The following CCSER1 variants were observed in gnomAD, a reference collection of about 807,000 sequenced individuals.
CCSER1 encodes the protein coiled-coil serine rich protein 1, also known as serine-rich coiled-coil domain-containing protein 1.
CCSER1 carries 41 observed loss-of-function variants against 82.0 expected under a neutral mutation model. The ratio of observed to expected loss-of-function variants is 0.50; its 90% CI spans 0.39 to 0.65. The LOEUF is 0.65. Among genes scored for constraint, CCSER1 ranks in the 30% least tolerant of loss-of-function variants. CCSER1 has a pLI of 0.00. For synonymous variants in CCSER1, 414 were observed against 383.9 expected (o/e 1.08, Z -0.92); for missense variants, 1,119 against 1,064.2 (o/e 1.05, Z -0.72).
intron 5 of CCSER1, among the ~76,000 whole-genome samples, chr4:90,515,411 T>A (rs1772134181): frequency 6.6e-6 from 1 of 152,192 alleles, no homozygotes; most frequent in African/African-American, 2.4e-5. Context: ...ATTGGGCAAC[T>A]TTTGAAGCTT....
At position 90,666,167 on chromosome 4, in the gene CCSER1, C is replaced by CA. The variant is rs1266077268; in HGVS notation, c.1932+37943dup. On this transcript the variant is annotated intron_variant, in intron 6 of 10. Coordinates refer to ENST00000509176, the MANE Select transcript of CCSER1 (RefSeq NM_001145065.2). ...GACTCTCCTTTTCATACGTTAGATG[C>CA]AAAAAAAACTTTGCTCTTCAAAGTT... is the stretch of plus-strand genomic sequence containing the variant. Among the ~76,000 whole-genome samples the CA allele has an allele frequency of 5.3e-5, 8 of 151,676 alleles. No individual in the cohort carries two copies. In the East Asian group the frequency reaches 5.8e-4, roughly 11 times the overall value.
chr4:90,611,389 G>A (rs1785481889), intron 5 of CCSER1, among the ~76,000 whole-genome samples: 1 of 151,962 alleles, frequency 6.6e-6, no homozygotes, highest in Non-Finnish European at 1.5e-5. Context: ...TGAACCAGAG[G>A]TTGAAGGCAC....
At chr4:90,225,156 A>G (rs567222806) in intron 1 of CCSER1, among the ~76,000 whole-genome samples, 1 of 150,974 alleles carries the variant, frequency 6.6e-6, no homozygotes, top group South Asian at 2.1e-4. Context: ...CTCAGCCTCC[A>G]TGGGTTCAAG....
chr4:90,660,457 T>G (rs1422042294), intron 6 of CCSER1, among the ~76,000 whole-genome samples: 1 of 152,034 alleles, frequency 6.6e-6, no homozygotes, highest in Non-Finnish European at 1.5e-5. Flanking sequence ...CATCTTAAAA[T>G]TTTTGGGAAT....
At chr4:90,863,949 T>TTTTTATTATATTTTA (rs1765408870) in intron 8 of CCSER1, among the ~76,000 whole-genome samples, 1 of 117,640 alleles carries the variant, frequency 8.5e-6, no homozygotes, top group Non-Finnish European at 1.8e-5. Flanking sequence ...ACCTATCACG[T>TTTTTATTATATTTTA]TTTTATTTTA....
At chr4:91,317,393 T>TC (rs1299384182) in intron 10 of CCSER1, among the ~76,000 whole-genome samples, 4 of 151,852 alleles carry the variant, frequency 2.6e-5, no homozygotes, top group Non-Finnish European at 2.9e-5. Flanking sequence ...AAATGTCCCT[T>TC]CTCAGTGAGG....
intron 10 of CCSER1, among the ~76,000 whole-genome samples, chr4:91,173,619 A>T (rs989269569): frequency 7.0e-6 from 1 of 141,872 alleles, no homozygotes; most frequent in Non-Finnish European, 1.5e-5. Context: ...AAAAAAAAAA[A>T]GTGATAAGAG....
chr4:91,146,314 G>C (rs1729530418), intron 10 of CCSER1, among the ~76,000 whole-genome samples: 1 of 152,136 alleles, frequency 6.6e-6, no homozygotes, highest in Admixed American at 6.6e-5. Context: ...TGGCTTTCCA[G>C]TCTGGATTCA....
intron 10 of CCSER1, among the ~76,000 whole-genome samples, chr4:91,291,047 A>C (rs571625964): frequency 6.6e-6 from 1 of 151,548 alleles, no homozygotes; most frequent in South Asian, 2.1e-4. Context: ...AGCACCTCTT[A>C]TTAAAATCAA....
chr4:90,233,646 A>C lies in CCSER1; in HGVS notation c.-41-74598A>C, dbSNP rs575516915. On this transcript the variant is annotated intron_variant, in intron 1 of 10. Transcript: ENST00000509176. ...AATAATAATAAATTAAAAAAAAAAAACAAAACAAACTGGCCTTATGAACCT... is the reference window on the plus strand; with the variant it reads ...AATAATAATAAATTAAAAAAAAAAACCAAAACAAACTGGCCTTATGAACCT... Among the ~76,000 whole-genome samples the C allele has an allele frequency of 4.2e-5, 6 of 144,334 alleles. No homozygotes were observed. The South Asian group carries it at 1.4e-3, about 33-fold the overall frequency. 94.7% of individuals were successfully genotyped at this position (144,334 alleles called of 152,430 possible). A position where few individuals can be genotyped will look rare whatever the true frequency, so the allele number is the denominator to read the frequency against.
chr4:91,151,959 G>C (rs775517500), intron 10 of CCSER1, among the ~76,000 whole-genome samples: 1 of 152,172 alleles, frequency 6.6e-6, no homozygotes, highest in Non-Finnish European at 1.5e-5. Context: ...TGTTGATTTG[G>C]GATGGAGAGT....
At chr4:91,548,907 T>C (rs73838041) in intron 10 of CCSER1, among the ~76,000 whole-genome samples, 8,079 of 152,178 alleles carry the variant, frequency 0.053, 236 homozygotes, top group Middle Eastern at 0.078. Flanking sequence ...ATTACATTAA[T>C]TGGGGAAAAT....
chr4:91,466,090 T>C (rs1756885693), intron 10 of CCSER1, among the ~76,000 whole-genome samples: 1 of 152,154 alleles, frequency 6.6e-6, no homozygotes, highest in South Asian at 2.1e-4. Context: ...TGAACATTGA[T>C]GCAAAAATCC....
chr4:91,466,487 T>C (rs1437961542), intron 10 of CCSER1, among the ~76,000 whole-genome samples: 1 of 152,028 alleles, frequency 6.6e-6, no homozygotes, highest in African/African-American at 2.4e-5. Flanking sequence ...CAACATAGGG[T>C]TGGAAGTTCT....
At chr4:90,533,322 C>T (rs982994665) in intron 5 of CCSER1, among the ~76,000 whole-genome samples, 2 of 151,986 alleles carry the variant, frequency 1.3e-5, no homozygotes, top group Non-Finnish European at 1.5e-5. Context: ...GTCTCCATCT[C>T]CTGACCTAGT....
Position 91,115,605 on chromosome 4 carries a change from A to G in CCSER1, c.2217+29611A>G, listed in dbSNP as rs145428031. 2.7e-3 allele frequency among the ~76,000 whole-genome samples: 417 copies of G among 152,090 alleles called. 2 individuals are homozygous for G. The highest frequency in any genetic ancestry group is 9.5e-3 in the African/African-American group (393 of 41,528). The stretch of plus-strand genomic sequence containing the variant: ...CAACTCTTTTTTTATACTGATAAAG[A>G]CTAGAGAAATGTTCTCTGTTATGTA... On this transcript the variant is annotated intron_variant, in intron 10 of 10. Transcript: ENST00000509176.
intron 3 of CCSER1, among the ~76,000 whole-genome samples, chr4:90,329,971 A>G (rs918889097): frequency 2.0e-5 from 3 of 152,132 alleles, no homozygotes; most frequent in African/African-American, 7.2e-5. Context: ...TCAAATTTTA[A>G]GGTAATGCTA....
At chr4:91,245,756 G>T (rs1739722467) in intron 10 of CCSER1, among the ~76,000 whole-genome samples, 1 of 152,156 alleles carries the variant, frequency 6.6e-6, no homozygotes, top group Non-Finnish European at 1.5e-5. Flanking sequence ...GAGTGCAATG[G>T]CATGATCTCA....
chr4:90,361,309 TC>T (rs1745328791), intron 3 of CCSER1, among the ~76,000 whole-genome samples: 1 of 152,222 alleles, frequency 6.6e-6, no homozygotes, highest in Non-Finnish European at 1.5e-5. Context: ...ATCCTACTGC[TC>T]TCCATGTTGC....
Sources: gnomAD v4.1 joint callset for allele counts (sites outside exome capture counted in the v4.1 genomes callset) on GRCh38, gnomAD v4.1.1 for gene constraint, MANE v1.5 for transcripts, NCBI Gene and HGNC (gene_info 2026-07-23, HGNC 2026-07-21) for gene names.